Variants in CDKAL1 observed in about 807,000 individuals in gnomAD.
CDKAL1 encodes threonylcarbamoyladenosine tRNA methylthiotransferase.
A neutral mutation model predicts 68.2 loss-of-function variants in CDKAL1; 32 were observed. The observed-to-expected ratio is 0.47, with a 90% CI of 0.35 to 0.63. The LOEUF (loss-of-function observed/expected upper bound fraction) is 0.63. CDKAL1 is among the 30% of genes least tolerant of loss of function. The pLI, the probability that CDKAL1 is intolerant of heterozygous loss-of-function variation, is 0.00. For synonymous variants in CDKAL1, 234 were observed against 244.3 expected (o/e 0.96, Z 0.39); for missense variants, 606 against 696.7 (o/e 0.87, Z 1.47).
At chr6:20,655,874 G>T (rs566493298) in intron 5 of CDKAL1, among the ~76,000 whole-genome samples, 5 of 152,302 alleles carry the variant, frequency 3.3e-5, no homozygotes, top group African/African-American at 1.2e-4. Context: ...TTTTGGTTTT[G>T]AATGTGCTGT....
chr6:20,554,076 C>G (rs1433302564), intron 4 of CDKAL1, among the ~76,000 whole-genome samples: 1 of 152,222 alleles, frequency 6.6e-6, no homozygotes, highest in Non-Finnish European at 1.5e-5. Context: ...CCTTGGCCTC[C>G]CAAAGTGCTG....
chr6:20,642,934 A>G (rs1408248532), intron 4 of CDKAL1, among the ~76,000 whole-genome samples: 2 of 150,710 alleles, frequency 1.3e-5, no homozygotes, highest in Non-Finnish European at 3.0e-5. Flanking sequence ...AACAACAACA[A>G]CAACAACAAC....
rs1312129425 is a variant in CDKAL1, at chr6:21,000,278, C to G, written c.961C>G (p.Pro321Ala). 14 of 1,613,836 alleles carry G rather than the reference C, an allele frequency of 8.7e-6. No homozygotes were observed. The East Asian group carries it at 3.1e-4, about 36-fold the overall frequency. Reference sequence around the variant, plus strand: ...CAGAGTCTACGCTTTTCTGCACATACCAGTCCAGTCTGCCTCCGACAGCGT... The same window carrying G: ...CAGAGTCTACGCTTTTCTGCACATAGCAGTCCAGTCTGCCTCCGACAGCGT... ...HPRVYAFLHIPVQSASDSVLM... is the reference protein window; with the variant it reads ...HPRVYAFLHIAVQSASDSVLM... Residue 321 changes from proline to alanine, a missense_variant, in exon 11 of 16, where the codon CCA becomes GCA. Transcript: ENST00000274695.
intron 12 of CDKAL1, among the ~76,000 whole-genome samples, chr6:21,085,756 T>G (rs547969359): frequency 6.6e-6 from 1 of 152,128 alleles, no homozygotes; most frequent in African/African-American, 2.4e-5. Flanking sequence ...CCTTGGGAAT[T>G]TTCCTAGATA....
chr6:20,644,944 C>G (rs891634252), intron 4 of CDKAL1, among the ~76,000 whole-genome samples: 1 of 152,220 alleles, frequency 6.6e-6, no homozygotes, highest in Non-Finnish European at 1.5e-5. Context: ...ATTGTACAGC[C>G]TATGACATAT....
In CDKAL1 at chr6:20,866,375, C is replaced by G. The variant is rs531067280; in HGVS notation, c.742+20197C>G. Among the ~76,000 whole-genome samples, 27 of 152,170 alleles carry G rather than the reference C, an allele frequency of 1.8e-4. No individual in the cohort carries two copies. The South Asian group carries it at 5.0e-3, about 28-fold the overall frequency. On this transcript the variant is annotated intron_variant, in intron 9 of 15. Coordinates refer to ENST00000274695, the MANE Select transcript of CDKAL1 (RefSeq NM_017774.3). ...CTTAGGCAGCTGTTCTAAGGGAAAC[C>G]TATTAGAAATAAACATGATAAATGA...
chr6:20,953,845 C>A (rs1025930531), intron 9 of CDKAL1, among the ~76,000 whole-genome samples: 3 of 151,982 alleles, frequency 2.0e-5, no homozygotes, highest in Admixed American at 1.3e-4. Flanking sequence ...CTATGAAAAC[C>A]CATATATCCA....
At chr6:20,891,852 A>G (rs1045516142) in intron 9 of CDKAL1, among the ~76,000 whole-genome samples, 4 of 152,068 alleles carry the variant, frequency 2.6e-5, no homozygotes, top group Non-Finnish European at 2.9e-5. Flanking sequence ...TATTTCTTAC[A>G]TGCATAAGGG....
chr6:20,728,468 A>G (rs1772754189), intron 5 of CDKAL1, among the ~76,000 whole-genome samples: 1 of 152,190 alleles, frequency 6.6e-6, no homozygotes, highest in African/African-American at 2.4e-5. Context: ...GACACCCACA[A>G]AAGAAAAAGA....
At chr6:21,035,482 T>C (rs1415886413) in intron 11 of CDKAL1, among the ~76,000 whole-genome samples, 1 of 152,178 alleles carries the variant, frequency 6.6e-6, no homozygotes, top group Non-Finnish European at 1.5e-5. Context: ...TATTTTAAAC[T>C]ATTCAGGATC....
intron 9 of CDKAL1, among the ~76,000 whole-genome samples, chr6:20,902,892 C>T (rs1305932991): frequency 4.6e-5 from 7 of 151,886 alleles, no homozygotes; most frequent in African/African-American, 7.3e-5. Flanking sequence ...GGAGAGCAGC[C>T]GTATGCTTAG....
intron 5 of CDKAL1, among the ~76,000 whole-genome samples, chr6:20,676,185 T>A (rs924171067): frequency 4.1e-5 from 6 of 145,662 alleles, no homozygotes; most frequent in African/African-American, 1.6e-4. Context: ...TAGTAAGCTG[T>A]TTAGTTTATT....
At chr6:20,896,024 G>A (rs1581783764) in intron 9 of CDKAL1, among the ~76,000 whole-genome samples, 1 of 151,480 alleles carries the variant, frequency 6.6e-6, no homozygotes, top group Admixed American at 6.6e-5. Flanking sequence ...TGACTGAAAG[G>A]GAACACTGAC....
At chr6:21,094,116 A>G (rs1042240588) in intron 12 of CDKAL1, among the ~76,000 whole-genome samples, 5 of 152,172 alleles carry the variant, frequency 3.3e-5, no homozygotes, top group Admixed American at 1.3e-4. Context: ...CTTGGGTAAA[A>G]TCTGAATAGC....
At chr6:20,933,658 A>G (rs1045099902) in intron 9 of CDKAL1, among the ~76,000 whole-genome samples, 8 of 152,322 alleles carry the variant, frequency 5.3e-5, no homozygotes, top group Middle Eastern at 3.4e-3. Context: ...ACTAATTGCT[A>G]TGTTCTAATC....
Position 21,230,933 on chromosome 6 carries a change from T to C in CDKAL1, c.1634T>C (p.Met545Thr), listed in dbSNP as rs573429286. 9 of 1,614,140 alleles carry C rather than the reference T, an allele frequency of 5.6e-6. No homozygotes were observed. In the South Asian group the frequency reaches 8.8e-5, roughly 16 times the overall value. Residue 545 changes from methionine to threonine, a missense_variant, in exon 16 of 16, where the codon ATG (methionine) becomes ACG (threonine). Physicochemically the swap from Met to Thr is moderately conservative, Grantham distance 81. Coordinates refer to ENST00000274695, the MANE Select transcript of CDKAL1 (RefSeq NM_017774.3). ...CAGTGTGACTCAGCGAGTTCCAGAATGGTGCTGCCCATGCCAAGGCTACAT... is the reference window on the plus strand; with the variant it reads ...CAGTGTGACTCAGCGAGTTCCAGAACGGTGCTGCCCATGCCAAGGCTACAT... ...ASQCDSASSRMVLPMPRLHQD... is the reference protein window; with the variant it reads ...ASQCDSASSRTVLPMPRLHQD...
intron 5 of CDKAL1, among the ~76,000 whole-genome samples, chr6:20,721,754 A>G (rs1228586357): frequency 1.2e-5 from 1 of 83,304 alleles, no homozygotes; most frequent in Non-Finnish European, 2.1e-5. Context: ...TTTTTTTGAG[A>G]CAGAGTCTTA....
intron 5 of CDKAL1, among the ~76,000 whole-genome samples, chr6:20,702,981 T>C (rs1462807603): frequency 1.3e-5 from 2 of 152,202 alleles, no homozygotes; most frequent in Non-Finnish European, 2.9e-5. Context: ...TTGCTTCTAA[T>C]TGGGTATAGA....
intron 13 of CDKAL1, among the ~76,000 whole-genome samples, chr6:21,129,984 T>A (rs1775218489): frequency 6.6e-6 from 1 of 152,060 alleles, no homozygotes; most frequent in Non-Finnish European, 1.5e-5. Flanking sequence ...AATAATAAAA[T>A]GAAACCTTGA....
Sources: gnomAD v4.1 joint callset for allele counts (sites outside exome capture counted in the v4.1 genomes callset) on GRCh38, gnomAD v4.1.1 for gene constraint, MANE v1.5 for transcripts, NCBI Gene and HGNC (gene_info 2026-07-23, HGNC 2026-07-21) for gene names.